Variants in EXT1 observed in about 807,000 individuals in gnomAD.
The protein encoded by EXT1 is exostosin glycosyltransferase 1, also known as exostosin-1.
A neutral mutation model predicts 82.5 loss-of-function variants in EXT1; 20 were observed. The observed-to-expected ratio is 0.24, with a 90% CI of 0.17 to 0.35. The LOEUF (loss-of-function observed/expected upper bound fraction) is 0.35, where lower values mean the gene tolerates loss of function less well. EXT1 is among the 10% of genes least tolerant of loss of function. The pLI, the probability that EXT1 is intolerant of heterozygous loss-of-function variation, is 1.00. For missense variants in EXT1, 757 were observed against 936.5 expected (o/e 0.81, Z 2.50); for synonymous variants, 348 against 350.8 (o/e 0.99, Z 0.09).
rs370263338 is a variant in EXT1, at chr8:117,953,369, T to C, written c.963-116168A>G. 4.7e-4 allele frequency among the ~76,000 whole-genome samples: 72 copies of C among 152,196 alleles called. 1 individual carries two copies. The South Asian group carries it at 0.012, about 25-fold the overall frequency. ...CATCCTAAAGGCTGGGACCCCAGAT[T>C]ATAGGAGAAATGATCATTCTGCTCC... On this transcript the variant is annotated intron_variant, in intron 1 of 10. Transcript: ENST00000378204.
rs1428842647 is a variant in EXT1, at chr8:117,795,007, A to G, written c.*4705T>C. ...AGTTTTAGTAATAGTTACAACCGAAAGGACAGGGATGTATTCCTGTAGGAG... is the reference window on the plus strand; with the variant it reads ...AGTTTTAGTAATAGTTACAACCGAAGGGACAGGGATGTATTCCTGTAGGAG... On this transcript the variant is annotated 3_prime_UTR_variant, in exon 11 of 11. Coordinates refer to ENST00000378204, the MANE Select transcript of EXT1 (RefSeq NM_000127.3). 1 of 152,244 alleles carries G rather than the reference A, an allele frequency of 6.6e-6. No individual in the cohort carries two copies. The highest frequency in any genetic ancestry group is 6.5e-5 in the Admixed American group (1 of 15,292). The allele number at this position is 152,244 out of a possible 1,614,324, so 9.4% of individuals were successfully genotyped here.
chr8:117,892,282 G>T (rs994624192), intron 1 of EXT1, among the ~76,000 whole-genome samples: 4 of 152,150 alleles, frequency 2.6e-5, no homozygotes, highest in African/African-American at 9.7e-5. Context: ...GTCAGCAAAG[G>T]CTCCAATGCA....
At chr8:118,043,260 G>A (rs1016045463) in intron 1 of EXT1, among the ~76,000 whole-genome samples, 6 of 152,308 alleles carry the variant, frequency 3.9e-5, no homozygotes, top group Non-Finnish European at 7.4e-5. Flanking sequence ...CCATGGCCAC[G>A]AAGTTCTACC....
intron 1 of EXT1, among the ~76,000 whole-genome samples, chr8:118,100,282 T>C (rs1306747740): frequency 6.6e-6 from 1 of 152,104 alleles, no homozygotes; most frequent in South Asian, 2.1e-4. Context: ...TTCAGTTCAG[T>C]TTCTGCCCCA....
intron 1 of EXT1, among the ~76,000 whole-genome samples, chr8:117,918,741 G>A (rs764076513): frequency 7.9e-5 from 12 of 152,178 alleles, no homozygotes; most frequent in Non-Finnish European, 7.3e-5. Context: ...GCAGCCACAG[G>A]AGTGACCCCA....
intron 1 of EXT1, among the ~76,000 whole-genome samples, chr8:118,056,936 T>A (rs986646153): frequency 2.6e-5 from 4 of 152,090 alleles, no homozygotes; most frequent in African/African-American, 7.2e-5. Context: ...CACAACCAAC[T>A]ATGCCATTAC....
chr8:118,100,402 T>G (rs1475894198), intron 1 of EXT1, among the ~76,000 whole-genome samples: 1 of 152,072 alleles, frequency 6.6e-6, no homozygotes, highest in Non-Finnish European at 1.5e-5. Context: ...GTAGCTGAGC[T>G]CCACTCACAC....
chr8:117,966,682 A>G (rs1814818299), intron 1 of EXT1, among the ~76,000 whole-genome samples: 1 of 152,216 alleles, frequency 6.6e-6, no homozygotes, highest in Admixed American at 6.5e-5. Context: ...CTCTACCACA[A>G]TCTACATGCA....
At chr8:117,838,976 T>A (rs1303950690) in intron 1 of EXT1, among the ~76,000 whole-genome samples, 1 of 152,212 alleles carries the variant, frequency 6.6e-6, no homozygotes, top group African/African-American at 2.4e-5. Flanking sequence ...ATGTTCTGCA[T>A]TGTAACAAGT....
intron 1 of EXT1, among the ~76,000 whole-genome samples, chr8:117,907,554 G>A (rs1254450249): frequency 1.3e-5 from 2 of 152,196 alleles, no homozygotes. Context: ...TTTCAGTAGT[G>A]ACACTTAAAA....
rs1262521378 is a variant in EXT1 at position 117,794,546 on chromosome 8, G to A, written c.*5166C>T. On this transcript the variant is annotated 3_prime_UTR_variant, in exon 11 of 11. Coordinates refer to ENST00000378204, the MANE Select transcript of EXT1 (RefSeq NM_000127.3). ...TTTTTTTTTCTTCTATAAATTGGAA[G>A]GAAAAAGTCTTTGGTGACACTCTCT... 1 of 151,890 alleles carries A rather than the reference G, an allele frequency of 6.6e-6. No individual in the cohort carries two copies. The highest frequency in any genetic ancestry group is 6.6e-5 in the Admixed American group (1 of 15,238). 9.4% of individuals were successfully genotyped at this position (151,890 alleles called of 1,614,324 possible). A position where few individuals can be genotyped will look rare whatever the true frequency, so the allele number is the denominator to read the frequency against.
chr8:117,821,245 T>C (rs1180420892), intron 5 of EXT1, among the ~76,000 whole-genome samples: 1 of 152,238 alleles, frequency 6.6e-6, no homozygotes, highest in Non-Finnish European at 1.5e-5. Flanking sequence ...TTTAATTGTA[T>C]GTTAGAAAGA....
In EXT1 at chr8:117,837,117, C is replaced by T. The variant is rs1488679114; in HGVS notation, c.1047G>A (p.Glu349=). The T allele has an allele frequency of 2.5e-6, 4 of 1,613,922 alleles. No homozygotes were observed. The highest frequency in any genetic ancestry group is 3.4e-6 in the Non-Finnish European group (4 of 1,179,874). ...GRRLGSFRFL[E]ALQAACVPVM... The stretch of plus-strand genomic sequence containing the variant: ...CTCCAGGGCCTCTTACCTGCAAAGC[C>T]TCCAGGAATCTGAAGGACCCAAGCC... Residue 349 remains glutamate, a synonymous_variant, in exon 2 of 11, where the codon GAG becomes GAA. Transcript: ENST00000378204.
At position 118,067,935 on chromosome 8, in the gene EXT1, T is replaced by C. The variant is rs183896428; in HGVS notation, c.962+42150A>G. ...TGGAAGGTAAGCTTAAGTCACCATC[T>C]ACAAGACATAGCCATGGTGGCACAT... On this transcript the variant is annotated intron_variant, in intron 1 of 10. Coordinates refer to ENST00000378204, the MANE Select transcript of EXT1 (RefSeq NM_000127.3). Among the ~76,000 whole-genome samples the C allele has an allele frequency of 3.9e-5, 6 of 152,356 alleles. No individual in the cohort carries two copies. In the East Asian group the frequency reaches 1.2e-3, roughly 29 times the overall value.
chr8:118,064,327 C>T (rs1816937728), intron 1 of EXT1, among the ~76,000 whole-genome samples: 1 of 152,152 alleles, frequency 6.6e-6, no homozygotes, highest in Non-Finnish European at 1.5e-5. Context: ...CATCCCTCCC[C>T]TAGCTCCCAC....
At chr8:118,019,402 A>T (rs1816061563) in intron 1 of EXT1, among the ~76,000 whole-genome samples, 1 of 151,412 alleles carries the variant, frequency 6.6e-6, no homozygotes, top group African/African-American at 2.4e-5. Context: ...TTGTGGACAG[A>T]GAGAAAGACA....
At chr8:117,937,413 C>T (rs898307763) in intron 1 of EXT1, among the ~76,000 whole-genome samples, 2 of 152,234 alleles carry the variant, frequency 1.3e-5, no homozygotes, top group Non-Finnish European at 2.9e-5. Flanking sequence ...TACACAGACG[C>T]TCCATGGCAC....
intron 1 of EXT1, among the ~76,000 whole-genome samples, chr8:117,923,441 G>A (rs887978080): frequency 6.6e-6 from 1 of 152,012 alleles, no homozygotes; most frequent in Admixed American, 6.6e-5. Flanking sequence ...GAAGCGGCTG[G>A]GCACGGTGGC....
chr8:117,873,862 T>C (rs1812920681), intron 1 of EXT1, among the ~76,000 whole-genome samples: 2 of 152,218 alleles, frequency 1.3e-5, no homozygotes, highest in South Asian at 2.1e-4. Flanking sequence ...ACACTCAAAA[T>C]AGATTTATTT....
Sources: gnomAD v4.1 joint callset for allele counts (sites outside exome capture counted in the v4.1 genomes callset) on GRCh38, gnomAD v4.1.1 for gene constraint, MANE v1.5 for transcripts, NCBI Gene and HGNC (gene_info 2026-07-23, HGNC 2026-07-21) for gene names.